Variants in FOXK1 observed in about 807,000 individuals in gnomAD.
FOXK1 encodes forkhead box protein K1.
In FOXK1, 19 loss-of-function variants were observed where a neutral mutation model predicts 51.9. The ratio of observed to expected loss-of-function variants is 0.37; its 90% CI spans 0.26 to 0.54. The LOEUF (loss-of-function observed/expected upper bound fraction) is 0.54, where lower values mean the gene tolerates loss of function less well. Among genes scored for constraint, FOXK1 ranks in the 20% least tolerant of loss-of-function variants. FOXK1 has a pLI of 0.87. For synonymous variants in FOXK1, 537 were observed against 482.6 expected, an observed-to-expected ratio of 1.11 and a Z score of -1.48; for missense variants, 870 against 1,032.7, an observed-to-expected ratio of 0.84 and a Z score of 2.16.
Position 4,759,511 on chromosome 7 carries a change from T to TA in FOXK1, c.1613dup (p.Tyr538Ter). 6.4e-7 allele frequency: 1 copy of TA among 1,573,384 alleles called. No homozygotes were observed. Among genetic ancestry groups the TA allele is most frequent in the Non-Finnish European group, 8.6e-7 (1 of 1,165,850 alleles). ...VTTSANSANG[Y>*]ILTSQGAAGG... is the part of the protein sequence containing the mutation. Reference sequence around the variant, plus strand: ...CACATCTGCCAACTCGGCCAACGGATACATCCTCACCAGCCAGGGCGCGGC... The same window carrying TA: ...CACATCTGCCAACTCGGCCAACGGATAACATCCTCACCAGCCAGGGCGCGGC... The change falls in exon 7 of 9, where the codon TAC becomes TAAC. Residue 538 changes from tyrosine to a stop codon, truncating the protein, a stop_gained and frameshift_variant. Coordinates refer to ENST00000328914, the MANE Select transcript of FOXK1 (RefSeq NM_001037165.2). LOFTEE classifies it high-confidence loss of function.
intron 1 of FOXK1, among the ~76,000 whole-genome samples, chr7:4,706,859 G>A (rs1393275540): frequency 6.8e-6 from 1 of 146,822 alleles, no homozygotes; most frequent in Non-Finnish European, 1.5e-5. Flanking sequence ...CAATGCCCCT[G>A]TAGCCTGGAA....
At chr7:4,724,601 G>A (rs1472252978) in intron 1 of FOXK1, among the ~76,000 whole-genome samples, 5 of 152,208 alleles carry the variant, frequency 3.3e-5, no homozygotes, top group South Asian at 2.1e-4. Context: ...GTGCCTCGTT[G>A]TGTGTGTGTG....
intron 1 of FOXK1, among the ~76,000 whole-genome samples, chr7:4,714,941 G>A (rs1780216122): frequency 6.6e-6 from 1 of 152,190 alleles, no homozygotes; most frequent in Admixed American, 6.5e-5. Flanking sequence ...TGCACGTGGA[G>A]TTGTGTGTAT....
At chr7:4,695,518 C>T (rs1300238343) in intron 1 of FOXK1, among the ~76,000 whole-genome samples, 1 of 152,184 alleles carries the variant, frequency 6.6e-6, no homozygotes, top group African/African-American at 2.4e-5. Flanking sequence ...TGAAATGTGG[C>T]TCAAGGCGGG....
intron 1 of FOXK1, among the ~76,000 whole-genome samples, chr7:4,721,030 T>C (rs1271454281): frequency 6.6e-6 from 1 of 152,180 alleles, no homozygotes; most frequent in East Asian, 1.9e-4. Flanking sequence ...TAGGTCTTTT[T>C]TGTCTTTCAG....
chr7:4,701,262 A>G (rs566090222), intron 1 of FOXK1, among the ~76,000 whole-genome samples: 1 of 152,294 alleles, frequency 6.6e-6, no homozygotes, highest in African/African-American at 2.4e-5. Flanking sequence ...ACGGGGGGCT[A>G]GAAGAGACAA....
chr7:4,691,351 C>T (rs60700075), intron 1 of FOXK1, among the ~76,000 whole-genome samples: 4,454 of 152,246 alleles, frequency 0.029, 222 homozygotes, highest in African/African-American at 0.1. Flanking sequence ...GATCAATAGA[C>T]ATACAGAGAG....
chr7:4,756,697 G>A lies in FOXK1; in HGVS notation c.1051-297G>A, dbSNP rs769447405. Among the ~76,000 whole-genome samples, 4 of 151,694 alleles carry A rather than the reference G, an allele frequency of 2.6e-5. No homozygotes were observed. Among genetic ancestry groups the A allele is most frequent in the Admixed American group, 6.6e-5 (1 of 15,238 alleles). On this transcript the variant is annotated intron_variant, in intron 4 of 8. Coordinates refer to ENST00000328914, the MANE Select transcript of FOXK1 (RefSeq NM_001037165.2). This position sits in a 1 kb window ranked among gnomAD's most constrained non-coding sequence, Gnocchi z 4.1. Reference sequence around the variant, plus strand: ...GGAGAATCCCTTGAACCCGGGAGGCGGAACTTGCAGTGAGCCGAGATCGTG... The same window carrying A: ...GGAGAATCCCTTGAACCCGGGAGGCAGAACTTGCAGTGAGCCGAGATCGTG...
Position 4,682,724 on chromosome 7 carries a change from G to A in FOXK1, c.416G>A (p.Gly139Asp). 1.2e-6 allele frequency: 2 copies of A among 1,604,654 alleles called. No individual in the cohort carries two copies. Among genetic ancestry groups the A allele is most frequent in the South Asian group, 1.1e-5 (1 of 90,438 alleles). The change falls in exon 1 of 9, where the codon GGC becomes GAC. Residue 139 changes from glycine to aspartate, a missense_variant. By Grantham distance (94) the Gly-to-Asp change is moderately conservative. Around this residue, in one of 3 missense-constraint regions of FOXK1, gnomAD observed 399 missense variants for 475.6 expected, o/e 0.84. Transcript: ENST00000328914. This position sits in a 1 kb window ranked among gnomAD's most constrained non-coding sequence, Gnocchi z 7.6. Reference sequence around the variant, plus strand: ...CAGGGCTCGGTGGACTTGAGCATGGGCCTGTCCAGCTTCATCTCGCGGCGC... The same window carrying A: ...CAGGGCTCGGTGGACTTGAGCATGGACCTGTCCAGCTTCATCTCGCGGCGC... ...SSQGSVDLSMGLSSFISRRHL... is the reference protein window; with the variant it reads ...SSQGSVDLSMDLSSFISRRHL...
In FOXK1 at chr7:4,749,693, C is replaced by A. The variant is rs1383335828; in HGVS notation, c.747-4766C>A. ...CGATAACTGTCCCGACCCTAGGCCT[C>A]TCAGGGTGGCCTTCTCAGCCTCAGA... On this transcript the variant is annotated intron_variant, in intron 2 of 8. Coordinates refer to ENST00000328914, the MANE Select transcript of FOXK1 (RefSeq NM_001037165.2). This position sits in a 1 kb window ranked among gnomAD's most constrained non-coding sequence, Gnocchi z 6.0. Among the ~76,000 whole-genome samples, 5 of 152,204 alleles carry A rather than the reference C, an allele frequency of 3.3e-5. No individual in the cohort carries two copies. The East Asian group carries it at 7.7e-4, about 23-fold the overall frequency.
In FOXK1 at chr7:4,754,506, G is replaced by A. The variant is rs146493126; in HGVS notation, c.794G>A (p.Ser265Asn). The A allele has an allele frequency of 1.2e-6, 2 of 1,613,072 alleles. No individual in the cohort carries two copies. The highest frequency in any genetic ancestry group is 1.7e-6 in the Non-Finnish European group (2 of 1,180,034). ...PASPRGAGSSSYRFVQNVTSD... is the reference protein window; with the variant it reads ...PASPRGAGSSNYRFVQNVTSD... Reference sequence around the variant, plus strand: ...AGTCCACGCGGTGCCGGCTCCTCCAGTTACCGCTTTGTGCAGAACGTGACC... The same window carrying A: ...AGTCCACGCGGTGCCGGCTCCTCCAATTACCGCTTTGTGCAGAACGTGACC... The change falls in exon 3 of 9, where the codon AGT (serine) becomes AAT (asparagine). Residue 265 changes from serine (S) to asparagine (N), a missense_variant. Ser to Asn is a conservative substitution (Grantham distance 46). Around this residue, in one of 3 missense-constraint regions of FOXK1, gnomAD observed 399 missense variants for 475.6 expected, o/e 0.84. Coordinates refer to ENST00000328914, the MANE Select transcript of FOXK1 (RefSeq NM_001037165.2).
At position 4,715,599 on chromosome 7, in the gene FOXK1, C is replaced by G. The variant is rs557892577; in HGVS notation, c.561-25239C>G. Among the ~76,000 whole-genome samples, 1 of 152,294 alleles carries G rather than the reference C, an allele frequency of 6.6e-6. No homozygotes were observed. Among genetic ancestry groups the G allele is most frequent in the African/African-American group, 2.4e-5 (1 of 41,566 alleles). On this transcript the variant is annotated intron_variant, in intron 1 of 8. Transcript: ENST00000328914. This position sits in a 1 kb window ranked among gnomAD's most constrained non-coding sequence, Gnocchi z 4.5. ...AATGAATAGGATATTTTGAAATGCT[C>G]TGGTGTTGTGAAATACGGAACTTGG... is the stretch of plus-strand genomic sequence containing the variant.
rs1373411853 is a variant in FOXK1 at position 4,755,388 on chromosome 7, A to G, written c.1050+5A>G. ...ACGGCCGACAAAGGCTGGCAGGTGA[A>G]GCCGAGTCCCCAGGGCCGGATCGCC... On this transcript the variant is annotated splice_donor_5th_base_variant and intron_variant, in intron 4 of 8. Transcript: ENST00000328914. The surrounding 1 kb of genome is among the most constrained non-coding windows in gnomAD (Gnocchi z 6.6). 1.2e-6 allele frequency: 2 copies of G among 1,613,414 alleles called. No individual in the cohort carries two copies. Among genetic ancestry groups the G allele is most frequent in the Admixed American group, 3.3e-5 (2 of 60,014 alleles).
rs988490962 is a variant in FOXK1 at position 4,729,882 on chromosome 7, C to T, written c.561-10956C>T. 2.0e-5 allele frequency among the ~76,000 whole-genome samples: 3 copies of T among 152,174 alleles called. No individual in the cohort carries two copies. The highest frequency in any genetic ancestry group is 1.3e-4 in the Admixed American group (2 of 15,298). On this transcript the variant is annotated intron_variant, in intron 1 of 8. Transcript: ENST00000328914. The surrounding 1 kb of genome is among the most constrained non-coding windows in gnomAD (Gnocchi z 6.2). Reference sequence around the variant, plus strand: ...GTGGGTACCAGTAATCCTAGCTACTCGGGAGGCTGAGGCAGGAGAATCGCT... The same window carrying T: ...GTGGGTACCAGTAATCCTAGCTACTTGGGAGGCTGAGGCAGGAGAATCGCT...
Position 4,723,034 on chromosome 7 carries a change from C to T in FOXK1, c.561-17804C>T, listed in dbSNP as rs1301204213. Among the ~76,000 whole-genome samples the T allele has an allele frequency of 6.6e-6, 1 of 152,036 alleles. No homozygotes were observed. Among genetic ancestry groups the T allele is most frequent in the Non-Finnish European group, 1.5e-5 (1 of 68,018 alleles). ...AGAGGCAGCGCTGGGTTCAGATCAC[C>T]ACACAACCTGTATCAGCTTGTGATC... On this transcript the variant is annotated intron_variant, in intron 1 of 8. Transcript: ENST00000328914. The surrounding 1 kb of genome is among the most constrained non-coding windows in gnomAD (Gnocchi z 4.7).
At position 4,748,665 on chromosome 7, in the gene FOXK1, G is replaced by A. The variant is rs1184779425; in HGVS notation, c.747-5794G>A. On this transcript the variant is annotated intron_variant, in intron 2 of 8. Transcript: ENST00000328914. The surrounding 1 kb of genome is among the most constrained non-coding windows in gnomAD (Gnocchi z 4.9). ...TGATTTGTTCCTTTGTTTTACCAGA[G>A]TCCATCCCCCAGTCGCTTCCTGGGA... 6.6e-6 allele frequency among the ~76,000 whole-genome samples: 1 copy of A among 152,152 alleles called. No homozygotes were observed.
At chr7:4,710,427 T>G (rs1281595382) in intron 1 of FOXK1, among the ~76,000 whole-genome samples, 1 of 151,956 alleles carries the variant, frequency 6.6e-6, no homozygotes, top group Non-Finnish European at 1.5e-5. Flanking sequence ...ATACAAAAAT[T>G]AGCTGGGCGT....
At chr7:4,740,204 G>A (rs1207933917) in intron 1 of FOXK1, among the ~76,000 whole-genome samples, 1 of 152,138 alleles carries the variant, frequency 6.6e-6, no homozygotes, top group Non-Finnish European at 1.5e-5. Flanking sequence ...GTCAAGGCAG[G>A]CGGATTACGA....
intron 1 of FOXK1, among the ~76,000 whole-genome samples, chr7:4,701,443 A>G (rs959072727): frequency 1.3e-5 from 2 of 152,160 alleles, no homozygotes; most frequent in African/African-American, 4.8e-5. Flanking sequence ...TAAATGTGGA[A>G]AAGTACAAAG....
Sources: allele counts gnomAD v4.1 joint callset (sites outside exome capture counted in the v4.1 genomes callset), GRCh38; gene constraint gnomAD v4.1.1; regional missense constraint gnomAD v4.1.1; non-coding constraint Gnocchi (gnomAD v3.1); transcripts MANE v1.5; gene names NCBI Gene and HGNC (gene_info 2026-07-23, HGNC 2026-07-21).